Variants in ZNF438 observed in about 807,000 individuals in gnomAD.
The protein encoded by ZNF438 is zinc finger protein 438.
Under a neutral mutation model 38.0 loss-of-function variants are expected in ZNF438, and 25 were observed. The ratio of observed to expected loss-of-function variants is 0.66; its 90% CI spans 0.48 to 0.92. The LOEUF is 0.92. ZNF438 is among the 40% of genes least tolerant of loss of function. The pLI is 0.00. For missense variants in ZNF438, 1,007 were observed against 999.6 expected (o/e 1.01, Z -0.10); for synonymous variants, 372 against 364.1 (o/e 1.02, Z -0.25).
chr10:30,888,691 T>G (rs2040278493), intron 3 of ZNF438, among the ~76,000 whole-genome samples: 1 of 152,158 alleles, frequency 6.6e-6, no homozygotes, highest in South Asian at 2.1e-4. Context: ...CATGTTCCTA[T>G]AAAGGGCATG....
intron 1 of ZNF438, among the ~76,000 whole-genome samples, chr10:30,961,245 A>T (rs538637512): frequency 3.1e-4 from 43 of 136,700 alleles, no homozygotes; most frequent in African/African-American, 8.0e-4. Context: ...AATAAATAAA[A>T]AAAAAAAATT....
chr10:30,982,312 G>A (rs769058533), intron 1 of ZNF438, among the ~76,000 whole-genome samples: 28 of 151,784 alleles, frequency 1.8e-4, no homozygotes, highest in African/African-American at 4.6e-4. Flanking sequence ...CATGTTAGCC[G>A]GGATGGTCTC....
chr10:31,024,552 C>T (rs1169494701), intron 1 of ZNF438, among the ~76,000 whole-genome samples: 1 of 151,960 alleles, frequency 6.6e-6, no homozygotes, highest in Non-Finnish European at 1.5e-5. Context: ...GGCGTGAACC[C>T]GGGAGGCGGA....
chr10:30,848,021 T>C (rs1588719150), intron 5 of ZNF438, among the ~76,000 whole-genome samples: 2 of 152,062 alleles, frequency 1.3e-5, no homozygotes, highest in Non-Finnish European at 2.9e-5. Context: ...TTCCGGCTGG[T>C]GAAATGACAC....
intron 3 of ZNF438, among the ~76,000 whole-genome samples, chr10:30,888,750 C>A (rs1010957019): frequency 1.3e-5 from 2 of 152,076 alleles, no homozygotes; most frequent in African/African-American, 2.4e-5. Flanking sequence ...GTATATGTAC[C>A]ACAATTTCTT....
At chr10:30,846,556 C>T (rs2032157958) in intron 5 of ZNF438, among the ~76,000 whole-genome samples, 1 of 152,188 alleles carries the variant, frequency 6.6e-6, no homozygotes. Context: ...GGTGGTGCCA[C>T]ACTTCATGGA....
intron 4 of ZNF438, among the ~76,000 whole-genome samples, chr10:30,871,088 C>T (rs955192665): frequency 5.9e-5 from 9 of 152,140 alleles, no homozygotes; most frequent in African/African-American, 1.9e-4. Context: ...AAGAGTGAAA[C>T]TACGATTAGA....
intron 3 of ZNF438, among the ~76,000 whole-genome samples, chr10:30,886,717 G>A (rs1415585057): frequency 2.0e-5 from 3 of 152,190 alleles, no homozygotes; most frequent in Non-Finnish European, 4.4e-5. Context: ...TCTACTGAAT[G>A]CACATGGCTT....
intron 1 of ZNF438, among the ~76,000 whole-genome samples, chr10:31,004,337 C>A (rs918114609): frequency 6.6e-6 from 1 of 152,140 alleles, no homozygotes; most frequent in Non-Finnish European, 1.5e-5. Flanking sequence ...AACAAGAGAA[C>A]TAAACCTTTC....
At chr10:31,020,847 T>C (rs2056542247) in intron 1 of ZNF438, among the ~76,000 whole-genome samples, 2 of 151,678 alleles carry the variant, frequency 1.3e-5, no homozygotes, top group Non-Finnish European at 2.9e-5. Context: ...CCTCTTAAGG[T>C]TAACTATCAT....
At chr10:30,908,739 T>A (rs1477852477) in intron 3 of ZNF438, among the ~76,000 whole-genome samples, 194 bp downstream of exon 4, 1 of 152,224 alleles carries the variant, frequency 6.6e-6, no homozygotes, top group African/African-American at 2.4e-5. Flanking sequence ...ATTTAGTCTG[T>A]ACAAGCGCTT....
intron 3 of ZNF438, among the ~76,000 whole-genome samples, chr10:30,892,495 T>G (rs1198140662): frequency 6.6e-6 from 1 of 152,120 alleles, no homozygotes; most frequent in African/African-American, 2.4e-5. Context: ...CATTTATATA[T>G]TAAGAATTTA....
At chr10:30,932,317 T>A (rs996217304) in intron 2 of ZNF438, among the ~76,000 whole-genome samples, 1 of 152,260 alleles carries the variant, frequency 6.6e-6, no homozygotes, top group Non-Finnish European at 1.5e-5. Flanking sequence ...GGTTTCATAA[T>A]GCTATCTTAA....
Position 30,982,099 on chromosome 10 carries a change from C to CTT in ZNF438, c.-191-40450_-191-40449dup, listed in dbSNP as rs538801257. 3.2e-3 allele frequency among the ~76,000 whole-genome samples: 292 copies of CTT among 90,848 alleles called. 4 individuals are homozygous for CTT. The highest frequency in any genetic ancestry group is 0.016 in the Middle Eastern group (3 of 182). 59.6% of individuals were successfully genotyped at this position (90,848 alleles called of 152,430 possible). On this transcript the variant is annotated intron_variant, in intron 1 of 5. Transcript: ENST00000413025. ...TGAGAAAACCATCCTTTTTCTCTTT[C>CTT]TTTTTTTTTTTTTTATTTTTGAGAT...
At chr10:31,012,832 G>A (rs1482586862) in intron 1 of ZNF438, among the ~76,000 whole-genome samples, 1 of 152,180 alleles carries the variant, frequency 6.6e-6, no homozygotes, top group Non-Finnish European at 1.5e-5. Context: ...TGCCAGAAAG[G>A]AGGTAAGAAT....
intron 2 of ZNF438, among the ~76,000 whole-genome samples, chr10:30,938,134 C>T (rs543843999): frequency 1.4e-4 from 22 of 152,278 alleles, no homozygotes; most frequent in South Asian, 8.3e-4. Context: ...GTTGAACCAG[C>T]GGTCTAATTC....
chr10:30,984,610 G>C (rs2052569987), intron 1 of ZNF438, among the ~76,000 whole-genome samples, 184 bp from the exon 2 acceptor site: 1 of 151,992 alleles, frequency 6.6e-6, no homozygotes, highest in South Asian at 2.1e-4. Flanking sequence ...GTTTAAAAAT[G>C]AAAGCATGCA....
rs566102403 is a variant in ZNF438, at chr10:30,855,248, T to G, written c.38-4881A>C. 5.7e-4 allele frequency among the ~76,000 whole-genome samples: 87 copies of G among 152,170 alleles called. 1 individual carries two copies. The highest frequency in any genetic ancestry group is 1.7e-3 in the South Asian group (8 of 4,810). On this transcript the variant is annotated intron_variant, in intron 4 of 5. Transcript: ENST00000413025. ...TCCTGGCTGCGAGAGCACCGATCAG[T>G]GTGAGCAGTGTGGGCAACCTGAAGT...
At chr10:30,853,187 C>G (rs1402996279) in intron 4 of ZNF438, among the ~76,000 whole-genome samples, 2 of 152,216 alleles carry the variant, frequency 1.3e-5, no homozygotes, top group East Asian at 1.9e-4. Flanking sequence ...TCATTTATCA[C>G]TAGTTCTTCC....
Sources: allele counts gnomAD v4.1 joint callset (sites outside exome capture counted in the v4.1 genomes callset), GRCh38; gene constraint gnomAD v4.1.1; transcripts MANE v1.5; gene names NCBI Gene and HGNC (gene_info 2026-07-23, HGNC 2026-07-21).